Variants in PPP6R3 observed in about 807,000 individuals in gnomAD.
PPP6R3 encodes the protein serine/threonine-protein phosphatase 6 regulatory subunit 3.
In PPP6R3, 38 loss-of-function variants were observed where a neutral mutation model predicts 110.7. The ratio of observed to expected loss-of-function variants is 0.34; its 90% CI spans 0.26 to 0.45. The LOEUF (loss-of-function observed/expected upper bound fraction) is 0.45, where lower values mean the gene tolerates loss of function less well. PPP6R3 is among the 20% of genes least tolerant of loss of function. The pLI, the probability that PPP6R3 is intolerant of heterozygous loss-of-function variation, is 1.00. For synonymous variants in PPP6R3, 369 were observed against 373.5 expected (o/e 0.99, Z 0.14); for missense variants, 870 against 1,062.4 (o/e 0.82, Z 2.52).
At chr11:68,515,436 G>A (rs1490927596) in intron 1 of PPP6R3, among the ~76,000 whole-genome samples, 6 of 152,214 alleles carry the variant, frequency 3.9e-5, no homozygotes, top group Non-Finnish European at 1.5e-5. Context: ...TGAGGCGGTA[G>A]GGGGGCAGCA....
intron 1 of PPP6R3, among the ~76,000 whole-genome samples, chr11:68,497,509 C>T (rs1273537496): frequency 6.6e-6 from 1 of 152,070 alleles, no homozygotes; most frequent in East Asian, 1.9e-4. Context: ...TATGCTACCA[C>T]GCCTGACTGA....
intron 4 of PPP6R3, among the ~76,000 whole-genome samples, chr11:68,547,388 A>G (rs2099353554): frequency 6.6e-6 from 1 of 152,232 alleles, no homozygotes; most frequent in Non-Finnish European, 1.5e-5. Flanking sequence ...ACAAGGCTGT[A>G]TGGGACACAG....
Position 68,576,003 on chromosome 11 carries a change from G to T in PPP6R3, c.1505G>T (p.Ser502Ile). 1 of 1,612,368 alleles carries T rather than the reference G, an allele frequency of 6.2e-7. No individual in the cohort carries two copies. Among genetic ancestry groups the T allele is most frequent in the Non-Finnish European group, 8.5e-7 (1 of 1,178,968 alleles). ...VRERWETFCT[S>I]SLGETNKRNT... Reference sequence around the variant, plus strand: ...GAACGATGGGAGACGTTCTGCACAAGCTCCTTAGGAGAAACTAACAAGAGG... The same window carrying T: ...GAACGATGGGAGACGTTCTGCACAATCTCCTTAGGAGAAACTAACAAGAGG... Residue 502 changes from serine (S) to isoleucine (I), a missense_variant, in exon 14 of 24, where the codon AGC (serine) becomes ATC (isoleucine). By Grantham distance (142) the Ser-to-Ile change is moderately radical (BLOSUM62 -2). Coordinates refer to ENST00000393800, the MANE Select transcript of PPP6R3 (RefSeq NM_001164161.2).
At chr11:68,541,187 G>A (rs749981770) in intron 3 of PPP6R3, among the ~76,000 whole-genome samples, 3 of 152,152 alleles carry the variant, frequency 2.0e-5, no homozygotes, top group Non-Finnish European at 4.4e-5. Context: ...CACAATCTAC[G>A]TTCTTCTGCC....
At chr11:68,533,212 C>CT (rs1255157990) in intron 2 of PPP6R3, among the ~76,000 whole-genome samples, 25 of 152,152 alleles carry the variant, frequency 1.6e-4, no homozygotes, top group Admixed American at 1.6e-3. Context: ...GCAGGGGTGA[C>CT]TAATTTACCA....
chr11:68,614,402 T>C lies in PPP6R3; in HGVS notation c.*1285T>C. On this transcript the variant is annotated 3_prime_UTR_variant, in exon 24 of 24. Coordinates refer to ENST00000393800, the MANE Select transcript of PPP6R3 (RefSeq NM_001164161.2). ...TAAATTACTTCACCTCTTGCACTTT[T>C]AGATGCAAATCAGTTTTTCATTTCT... 1 of 1,287,110 alleles carries C rather than the reference T, an allele frequency of 7.8e-7. No homozygotes were observed. Among genetic ancestry groups the C allele is most frequent in the South Asian group, 1.9e-5 (1 of 53,006 alleles). The allele number at this position is 1,287,110 out of a possible 1,614,324, so 79.7% of individuals were successfully genotyped here.
chr11:68,572,643 G>A (rs1475554895), intron 12 of PPP6R3, among the ~76,000 whole-genome samples: 1 of 152,014 alleles, frequency 6.6e-6, no homozygotes, highest in Non-Finnish European at 1.5e-5. Flanking sequence ...TGAGGCCAGG[G>A]GTTCGAGACC....
intron 1 of PPP6R3, among the ~76,000 whole-genome samples, chr11:68,512,776 T>G (rs984818281): frequency 6.6e-6 from 1 of 152,348 alleles, no homozygotes; most frequent in East Asian, 1.9e-4. Context: ...AAACAGCATC[T>G]AAACGCACTT....
intron 1 of PPP6R3, among the ~76,000 whole-genome samples, chr11:68,493,657 TACAC>T (rs1211426881): frequency 7.1e-6 from 1 of 141,500 alleles, no homozygotes; most frequent in African/African-American, 2.6e-5. Context: ...TACAAAAAAA[TACAC>T]ACACACACAG....
chr11:68,593,966 C>T (rs558836972), intron 18 of PPP6R3, among the ~76,000 whole-genome samples: 3 of 151,958 alleles, frequency 2.0e-5, no homozygotes, highest in Non-Finnish European at 4.4e-5. Flanking sequence ...AAACAAAAAA[C>T]AAAGATGGTC....
At chr11:68,471,480 G>A (rs2098791884) in intron 1 of PPP6R3, among the ~76,000 whole-genome samples, 1 of 151,996 alleles carries the variant, frequency 6.6e-6, no homozygotes, top group African/African-American at 2.4e-5. Context: ...GCTGCCGTGA[G>A]GTCACCTGAG....
At chr11:68,533,704 CAAAAA>C (rs58617776) in intron 2 of PPP6R3, among the ~76,000 whole-genome samples, 8 of 56,144 alleles carry the variant, frequency 1.4e-4, no homozygotes, top group Admixed American at 5.1e-4. Flanking sequence ...GACCTTGTCT[CAAAAA>C]AAAAAAAAAA....
At chr11:68,587,174 A>ACCC (rs1491452110) in intron 15 of PPP6R3, 32 of 125,116 alleles carry the variant, frequency 2.6e-4, no homozygotes, top group African/African-American at 1.1e-3. Flanking sequence ...GTCCATTATA[A>ACCC]CACCCCCCCC....
At chr11:68,561,020 C>T (rs1252413602) in intron 8 of PPP6R3, among the ~76,000 whole-genome samples, 1 of 151,500 alleles carries the variant, frequency 6.6e-6, no homozygotes, top group Non-Finnish European at 1.5e-5. Context: ...CCTCAGTCTC[C>T]CGAGTAGCTG....
At chr11:68,528,435 G>GGGGA (rs2099213733) in intron 2 of PPP6R3, among the ~76,000 whole-genome samples, 3 of 83,626 alleles carry the variant, frequency 3.6e-5, no homozygotes, top group Admixed American at 2.5e-4. Context: ...TGTGTGTGTG[G>GGGGA]GGGGGGGGGC....
intron 7 of PPP6R3, among the ~76,000 whole-genome samples, chr11:68,554,768 C>T (rs1007703113): frequency 2.0e-5 from 3 of 152,138 alleles, no homozygotes; most frequent in Middle Eastern, 6.4e-3. Context: ...TCAACATGGG[C>T]ATGTATATTT....
rs751683410 is a variant in PPP6R3 at position 68,600,394 on chromosome 11, C to T, written c.2092C>T (p.Pro698Ser). Residue 698 changes from proline to serine, a missense_variant, in exon 20 of 24, where the codon CCA becomes TCA. Pro to Ser is a moderately conservative substitution (Grantham distance 74). Transcript: ENST00000393800. Reference protein sequence around the residue: ...DVPMETTHGAPLDSVGSDVWS... With the variant: ...DVPMETTHGASLDSVGSDVWS... ...CCCAATGGAAACAACCCACGGTGCT[C>T]CATTGGATTCTGTGGGATCTGATGT... 2.9e-5 allele frequency: 46 copies of T among 1,614,030 alleles called. 1 individual carries two copies. Among genetic ancestry groups the T allele is most frequent in the Non-Finnish European group, 3.6e-5 (42 of 1,180,012 alleles).
intron 1 of PPP6R3, among the ~76,000 whole-genome samples, chr11:68,469,801 A>G (rs1004644250): frequency 2.0e-5 from 3 of 152,178 alleles, no homozygotes; most frequent in Admixed American, 6.5e-5. Flanking sequence ...AGCTTAGGAA[A>G]TAGAAGGTTG....
chr11:68,543,472 G>T (rs2099329819), intron 3 of PPP6R3, among the ~76,000 whole-genome samples: 1 of 147,384 alleles, frequency 6.8e-6, no homozygotes, highest in African/African-American at 2.5e-5. Context: ...ATACTCTTCT[G>T]TCTTTAGGCC....
Sources: gnomAD v4.1 joint callset for allele counts (sites outside exome capture counted in the v4.1 genomes callset) on GRCh38, gnomAD v4.1.1 for gene constraint, MANE v1.5 for transcripts, NCBI Gene and HGNC (gene_info 2026-07-23, HGNC 2026-07-21) for gene names.